The following MRPL46 variants were observed in gnomAD, a reference collection of about 807,000 sequenced individuals.
The protein encoded by MRPL46 is large ribosomal subunit protein mL46.
A neutral mutation model predicts 31.0 loss-of-function variants in MRPL46; 26 were observed. The ratio of observed to expected loss-of-function variants is 0.84; its 90% confidence interval spans 0.61 to 1.16. The LOEUF is 1.16. Among genes scored for constraint, MRPL46 ranks in the 50% most tolerant of loss-of-function variants. The probability of loss-of-function intolerance (pLI) is 0.00; values close to 1 mark genes in which losing one functional copy is unlikely to be tolerated. For synonymous variants in MRPL46, 159 were observed against 141.3 expected, an observed-to-expected ratio of 1.13 and a Z score of -0.89; for missense variants, 395 against 340.0, an observed-to-expected ratio of 1.16 and a Z score of -1.27.
At chr15:88,467,068 T>C (rs1334810906) in intron 1 of MRPL46, 82 bp downstream of exon 1, 1 of 1,467,704 alleles carries the variant, frequency 6.8e-7, no homozygotes, top group Non-Finnish European at 9.4e-7. Context: ...AAGTACCGTA[T>C]ACTTAAGTTC....
chr15:88,465,848 AAC>A (rs1250823043), intron 1 of MRPL46, 75 bp from the exon 2 acceptor site: 1 of 1,385,096 alleles, frequency 7.2e-7, no homozygotes, highest in Admixed American at 2.6e-5. Context: ...GGAAGAATAA[AAC>A]AGAGACATGG....
rs1450086165 is a variant in MRPL46 at position 88,464,858 on chromosome 15, T to C, written c.434A>G (p.Asp145Gly). Reference sequence around the variant, plus strand: ...TAGCTTCCTGTTCAGGGATGTTCGGTCATTCTTTTCATCAGCTTCTACAGC... The same window carrying C: ...TAGCTTCCTGTTCAGGGATGTTCGGCCATTCTTTTCATCAGCTTCTACAGC... Reference protein sequence around the residue: ...ARITEADEKNDRTSLNRKLDR... With the variant: ...ARITEADEKNGRTSLNRKLDR... Residue 145 changes from aspartate (D) to glycine (G), a missense_variant, in exon 3 of 4, where the codon GAC becomes GGC. Transcript: ENST00000312475. 1.9e-6 allele frequency: 3 copies of C among 1,613,668 alleles called. No homozygotes were observed. Among genetic ancestry groups the C allele is most frequent in the East Asian group, 2.2e-5 (1 of 44,866 alleles).
intron 2 of MRPL46, chr15:88,465,178 A>C (rs1274058757): frequency 7.2e-6 from 3 of 414,830 alleles, no homozygotes; most frequent in African/African-American, 2.1e-5. Flanking sequence ...ATTGGTTTTG[A>C]TACTATTACT....
At chr15:88,460,382 C>T (rs1300483138) in intron 3 of MRPL46, 1 of 157,340 alleles carries the variant, frequency 6.4e-6, no homozygotes, top group Non-Finnish European at 1.4e-5. Context: ...ATGGGTGTCA[C>T]CTGGAAAGCA....
chr15:88,467,134 T>G lies in MRPL46; in HGVS notation c.228+16A>C. The stretch of plus-strand genomic sequence containing the variant: ...GCAGAATAAACGTCACTCTGAACCC[T>G]GCATCTCAGTCCCACCTGCTGCAGT... On this transcript the variant is annotated intron_variant, in intron 1 of 3. Transcript: ENST00000312475. 6.2e-7 allele frequency: 1 copy of G among 1,611,626 alleles called. No homozygotes were observed. Among genetic ancestry groups the G allele is most frequent in the Non-Finnish European group, 8.5e-7 (1 of 1,177,962 alleles).
intron 2 of MRPL46, 134 bp downstream of exon 2, chr15:88,465,453 T>C (rs1005905095): frequency 1.4e-5 from 14 of 969,192 alleles, no homozygotes; most frequent in African/African-American, 3.3e-5. Context: ...TTATGGTAGA[T>C]GTGAGCAACA....
At chr15:88,462,612 A>C (rs1194749156) in intron 3 of MRPL46, 2 of 152,202 alleles carry the variant, frequency 1.3e-5, no homozygotes, top group African/African-American at 4.8e-5. Context: ...GGAAAACGTC[A>C]ATTGTTATAT....
At position 88,465,656 on chromosome 15, in the gene MRPL46, G is replaced by C; in HGVS notation, c.346C>G (p.Leu116Val). 1 of 1,613,052 alleles carries C rather than the reference G, an allele frequency of 6.2e-7. No homozygotes were observed. The highest frequency in any genetic ancestry group is 8.5e-7 in the Non-Finnish European group (1 of 1,179,804). ...HDEEDEQDILLAQDLEDMWEQ... is the reference protein window; with the variant it reads ...HDEEDEQDILVAQDLEDMWEQ... Reference sequence around the variant, plus strand: ...CACATATCTTCCAAATCTTGCGCCAGCAATATATCCTGTTCATCTTCTTCA... The same window carrying C: ...CACATATCTTCCAAATCTTGCGCCACCAATATATCCTGTTCATCTTCTTCA... Residue 116 changes from leucine to valine, a missense_variant, in exon 2 of 4, where the codon CTG becomes GTG. Coordinates refer to ENST00000312475, the MANE Select transcript of MRPL46 (RefSeq NM_022163.4).
Position 88,465,628 on chromosome 15 carries a change from T to G in MRPL46, c.374A>C (p.Glu125Ala). Reference sequence around the variant, plus strand: ...AAGTTTGAACTGTAGAAATTTCTGCTCCCACATATCTTCCAAATCTTGCGC... The same window carrying G: ...AAGTTTGAACTGTAGAAATTTCTGCGCCCACATATCTTCCAAATCTTGCGC... The part of the protein sequence containing the change: ...LLAQDLEDMW[E>A]QKFLQFKLGA... The change falls in exon 2 of 4, where the codon GAG (glutamate) becomes GCG (alanine). Residue 125 changes from glutamate to alanine, a missense_variant. Glu to Ala is a moderately radical substitution (Grantham distance 107). Transcript: ENST00000312475. 1 of 1,612,510 alleles carries G rather than the reference T, an allele frequency of 6.2e-7. No individual in the cohort carries two copies. Among genetic ancestry groups the G allele is most frequent in the Non-Finnish European group, 8.5e-7 (1 of 1,179,652 alleles).
chr15:88,460,006 C>G, intron 3 of MRPL46, 143 bp from the exon 4 acceptor site: 1 of 1,047,516 alleles, frequency 9.5e-7, no homozygotes, highest in South Asian at 1.7e-5. Flanking sequence ...TAGAGCCATT[C>G]CTGAAAAGAG....
At position 88,467,333 on chromosome 15, in the gene MRPL46, A is replaced by AC. The variant is rs1182388501; in HGVS notation, c.44dup (p.Trp16LeufsTer63). ...CCCAGAGCCTCTCGAACCGCCGCCAACCCCCCGCCACCCCTAACAGCGTCC... is the reference window on the plus strand; with the variant it reads ...CCCAGAGCCTCTCGAACCGCCGCCAACCCCCCCGCCACCCCTAACAGCGTCC... On this transcript the variant is annotated frameshift_variant, in exon 1 of 4. Coordinates refer to ENST00000312475, the MANE Select transcript of MRPL46 (RefSeq NM_022163.4). LOFTEE classifies it high-confidence loss of function. The AC allele has an allele frequency of 2.5e-6, 4 of 1,600,320 alleles. No individual in the cohort carries two copies. The highest frequency in any genetic ancestry group is 1.7e-5 in the Admixed American group (1 of 58,446).
rs74858286 is a variant in MRPL46, at chr15:88,467,271, G to A, written c.107C>T (p.Ala36Val). 2.4e-4 allele frequency: 386 copies of A among 1,613,834 alleles called. 1 individual carries two copies. In the African/African-American group the frequency reaches 4.6e-3, roughly 19 times the overall value. The stretch of plus-strand genomic sequence containing the variant: ...TGGGGATCCGTTGCTTGAGGGTGCG[G>A]CTGCAAGAGCCAGGCTGCGAGAGCT... ...SLSSRSLALA[A>V]APSSNGSPWR... The change falls in exon 1 of 4, where the codon GCC (alanine) becomes GTC (valine). Residue 36 changes from alanine (A) to valine (V), a missense_variant. Coordinates refer to ENST00000312475, the MANE Select transcript of MRPL46 (RefSeq NM_022163.4).
At chr15:88,466,933 A>C (rs2055544432) in intron 1 of MRPL46, among the ~76,000 whole-genome samples, 1 of 152,236 alleles carries the variant, frequency 6.6e-6, no homozygotes, top group South Asian at 2.1e-4. Flanking sequence ...TGCATGAACA[A>C]GAAGTAGAGT....
Position 88,463,077 on chromosome 15 carries a change from T to C in MRPL46, c.589+1626A>G, listed in dbSNP as rs982166469. 6.6e-6 allele frequency: 1 copy of C among 152,264 alleles called. No homozygotes were observed. Among genetic ancestry groups the C allele is most frequent in the African/African-American group, 2.4e-5 (1 of 41,464 alleles). The allele number at this position is 152,264 out of a possible 1,614,324, so 9.4% of individuals were successfully genotyped here. A position where few individuals can be genotyped will look rare whatever the true frequency, so the allele number is the denominator to read the frequency against. Reference sequence around the variant, plus strand: ...GTTGAGCATCTGGACACAATGATCCTCGCAAGAAACTCAGCTGCTGACTCC... The same window carrying C: ...GTTGAGCATCTGGACACAATGATCCCCGCAAGAAACTCAGCTGCTGACTCC... On this transcript the variant is annotated intron_variant, in intron 3 of 3. Transcript: ENST00000312475. This position sits in a 1 kb window ranked among gnomAD's most constrained non-coding sequence, Gnocchi z 5.4.
At chr15:88,460,933 G>C (rs1441181911) in intron 3 of MRPL46, 2 of 152,096 alleles carry the variant, frequency 1.3e-5, no homozygotes, top group Admixed American at 1.3e-4. Context: ...TACAGACGGG[G>C]TTTTGCCATG....
intron 3 of MRPL46, chr15:88,461,763 G>T (rs1267285946): frequency 6.6e-6 from 1 of 152,228 alleles, no homozygotes; most frequent in Non-Finnish European, 1.5e-5. Flanking sequence ...ATTTGCCCAT[G>T]TGAGCAAAGA....
intron 3 of MRPL46, chr15:88,461,585 G>A (rs1457235807): frequency 1.3e-5 from 2 of 152,166 alleles, no homozygotes; most frequent in Admixed American, 6.6e-5. Flanking sequence ...AAACTTAACT[G>A]TACTCTGCTT....
At position 88,467,221 on chromosome 15, in the gene MRPL46, G is replaced by A. The variant is rs150657556; in HGVS notation, c.157C>T (p.Leu53=). ...TTGGAGACTACAGGTGGCCGCTGCA[G>A]GCACAACGCGCCCAACAAGCGCCAT... ...SPWRLLGALC[L]QRPPVVSKPL... The change falls in exon 1 of 4, where the codon CTG becomes TTG. Residue 53 remains leucine, a synonymous_variant. Transcript: ENST00000312475. The A allele has an allele frequency of 1.9e-6, 3 of 1,614,140 alleles. No individual in the cohort carries two copies. The highest frequency in any genetic ancestry group is 2.7e-5 in the African/African-American group (2 of 75,062).
At chr15:88,465,527 T>A in intron 2 of MRPL46, 60 bp downstream of exon 2, 1 of 1,476,738 alleles carries the variant, frequency 6.8e-7, no homozygotes, top group Non-Finnish European at 9.0e-7. Flanking sequence ...AACTGTCTTT[T>A]ATTTGGGAAT....
Sources: allele counts gnomAD v4.1 joint callset (sites outside exome capture counted in the v4.1 genomes callset), GRCh38; gene constraint gnomAD v4.1.1; non-coding constraint Gnocchi (gnomAD v3.1); transcripts MANE v1.5; gene names NCBI Gene and HGNC (gene_info 2026-07-23, HGNC 2026-07-21).